INPP4B: variants seen among roughly 807,000 people sequenced by gnomAD.
INPP4B encodes inositol polyphosphate-4-phosphatase type II B, also known as inositol polyphosphate 4-phosphatase type II.
In INPP4B, 55 loss-of-function variants were observed where a neutral mutation model predicts 122.5. The observed-to-expected ratio is 0.45, with a 90% CI of 0.36 to 0.56. INPP4B has a LOEUF of 0.56. Ranked by LOEUF, INPP4B falls within the 20% of genes least tolerant of loss-of-function variation. The pLI, the probability that INPP4B is intolerant of heterozygous loss-of-function variation, is 0.00. For synonymous variants in INPP4B, 403 were observed against 388.7 expected (o/e 1.04, Z -0.43); for missense variants, 1,000 against 1,097.7 (o/e 0.91, Z 1.26).
Position 142,193,026 on chromosome 4 carries a change from G to A in INPP4B, c.1181+61C>T, listed in dbSNP as rs2322542. 7.8e-4 allele frequency: 770 copies of A among 986,726 alleles called. 7 individuals are homozygous for A. The African/African-American group carries it at 0.01, about 13-fold the overall frequency. The allele number at this position is 986,726 out of a possible 1,614,324, so 61.1% of individuals were successfully genotyped here. A position where few individuals can be genotyped will look rare whatever the true frequency, so the allele number is the denominator to read the frequency against. On this transcript the variant is annotated intron_variant, in intron 15 of 25. Transcript: ENST00000262992. The stretch of plus-strand genomic sequence containing the variant: ...TGATGGACCAATCACCTTGTATATA[G>A]ACTTCCCCAAAGGGGAGATGTTATT...
At chr4:142,409,707 T>C (rs2149233304) in intron 5 of INPP4B, among the ~76,000 whole-genome samples, 1 of 152,326 alleles carries the variant, frequency 6.6e-6, no homozygotes, top group South Asian at 2.1e-4. Flanking sequence ...TCCTTGATTT[T>C]AGGATTTCTC....
chr4:142,791,877 A>T (rs1776604145), intron 1 of INPP4B, among the ~76,000 whole-genome samples: 1 of 152,050 alleles, frequency 6.6e-6, no homozygotes, highest in Non-Finnish European at 1.5e-5. Flanking sequence ...TCCCACCCAG[A>T]TGTTCTCATA....
At chr4:142,123,461 T>C in intron 19 of INPP4B, 46 bp from the exon 20 acceptor site, 1 of 1,580,564 alleles carries the variant, frequency 6.3e-7, no homozygotes. Flanking sequence ...AGCAAACGTA[T>C]TTGTTTTATT....
At chr4:142,194,799 T>C (rs964556516) in intron 14 of INPP4B, among the ~76,000 whole-genome samples, 4 of 152,188 alleles carry the variant, frequency 2.6e-5, no homozygotes, top group Admixed American at 2.6e-4. Context: ...CTCAGTTTCC[T>C]TACCTATAAA....
rs570574159 is a variant in INPP4B, at chr4:142,187,772, T to C, written c.1181+5315A>G. Among the ~76,000 whole-genome samples the C allele has an allele frequency of 4.7e-3, 717 of 152,196 alleles. 3 individuals carry two copies. The highest frequency in any genetic ancestry group is 0.016 in the African/African-American group (670 of 41,530). ...CCAAGCCTGACTAATTTTTGCACTT[T>C]TTTTGTAGAGACAGGGTTTTGCGAT... On this transcript the variant is annotated intron_variant, in intron 15 of 25. Transcript: ENST00000262992.
intron 7 of INPP4B, among the ~76,000 whole-genome samples, chr4:142,378,621 T>C (rs193118132): frequency 3.3e-5 from 5 of 152,254 alleles, no homozygotes; most frequent in African/African-American, 4.8e-5. Context: ...AAAGATTCTC[T>C]CCTTAGAGAG....
chr4:142,189,265 A>G (rs780232713), intron 15 of INPP4B, among the ~76,000 whole-genome samples: 59 of 152,170 alleles, frequency 3.9e-4, no homozygotes, highest in Non-Finnish European at 6.3e-4. Context: ...TCTCTATATT[A>G]TTAATCTTAT....
intron 2 of INPP4B, among the ~76,000 whole-genome samples, chr4:142,471,289 A>G (rs1299483306): frequency 6.6e-6 from 1 of 152,192 alleles, no homozygotes; most frequent in African/African-American, 2.4e-5. Context: ...CTACAGCTAT[A>G]GCTTTTTTTT....
chr4:142,535,164 A>T (rs1828037793), intron 2 of INPP4B, among the ~76,000 whole-genome samples: 1 of 152,198 alleles, frequency 6.6e-6, no homozygotes, highest in Admixed American at 6.5e-5. Flanking sequence ...TCAGTTGATG[A>T]TTCAACAAAA....
At chr4:142,291,292 A>AT (rs1268450833) in intron 9 of INPP4B, among the ~76,000 whole-genome samples, 1 of 152,168 alleles carries the variant, frequency 6.6e-6, no homozygotes, top group Admixed American at 6.5e-5. Context: ...TCTAACTCAA[A>AT]TTTTTTATTT....
rs191224465 is a variant in INPP4B, at chr4:142,833,832, T to G, written c.-254+12377A>C. On this transcript the variant is annotated intron_variant, in intron 1 of 25. Coordinates refer to ENST00000262992, the MANE Select transcript of INPP4B (RefSeq NM_001101669.3). The stretch of plus-strand genomic sequence containing the variant: ...GCATGCATGTGAACAAAACTGCCAT[T>G]CCTATTTAGATGAGCCCAAAGCTCT... Among the ~76,000 whole-genome samples the G allele has an allele frequency of 7.7e-3, 1,172 of 152,290 alleles. 10 individuals carry two copies. Among genetic ancestry groups the G allele is most frequent in the South Asian group, 0.015 (72 of 4,820 alleles).
chr4:142,451,769 G>C (rs1814287126), intron 3 of INPP4B, among the ~76,000 whole-genome samples: 1 of 152,184 alleles, frequency 6.6e-6, no homozygotes, highest in African/African-American at 2.4e-5. Flanking sequence ...AGCACACAAA[G>C]CAGCAAGGCA....
intron 1 of INPP4B, among the ~76,000 whole-genome samples, chr4:142,828,341 T>C (rs1781685989): frequency 6.6e-6 from 1 of 152,018 alleles, no homozygotes; most frequent in Admixed American, 6.6e-5. Context: ...TGAAATATCG[T>C]CCATAAAAGC....
intron 25 of INPP4B, among the ~76,000 whole-genome samples, chr4:142,032,833 C>T (rs1174331118): frequency 2.0e-5 from 3 of 152,108 alleles, no homozygotes; most frequent in Admixed American, 1.3e-4. Context: ...TTAGAGAATG[C>T]CTATAGCAAG....
rs147741554 is a variant in INPP4B, at chr4:142,361,808, T to G, written c.372+41130A>C. 1.6e-4 allele frequency among the ~76,000 whole-genome samples: 24 copies of G among 152,058 alleles called. 1 individual carries two copies. The highest frequency in any genetic ancestry group is 5.8e-4 in the African/African-American group (24 of 41,536). ...TATTATCACAATATTATATATATGA[T>G]AGTAGACAAAAGAATGAAAATAATT... On this transcript the variant is annotated intron_variant, in intron 7 of 25. Transcript: ENST00000262992.
chr4:142,088,382 T>C (rs1026580577), intron 23 of INPP4B, among the ~76,000 whole-genome samples: 1 of 152,210 alleles, frequency 6.6e-6, no homozygotes, highest in African/African-American at 2.4e-5. Context: ...TAAATTAGAA[T>C]TATAAGCAGC....
At chr4:142,622,636 A>G (rs1745214451) in intron 2 of INPP4B, among the ~76,000 whole-genome samples, 2 of 151,976 alleles carry the variant, frequency 1.3e-5, no homozygotes, top group African/African-American at 4.8e-5. Flanking sequence ...GAGAAAGAGA[A>G]AACTCAAAGA....
intron 7 of INPP4B, among the ~76,000 whole-genome samples, chr4:142,346,455 A>AAGAGAAAT (rs1388647688): frequency 6.6e-6 from 1 of 152,058 alleles, no homozygotes; most frequent in Non-Finnish European, 1.5e-5. Context: ...AAATTAGACT[A>AAGAGAAAT]GAAAAAGTGA....
chr4:142,537,740 A>AGTGTGTGT (rs72363974), intron 2 of INPP4B, among the ~76,000 whole-genome samples: 4,344 of 146,808 alleles, frequency 0.03, 73 homozygotes, highest in Middle Eastern at 0.099. Flanking sequence ...TGTGTATATG[A>AGTGTGTGT]GTGTGTGTGT....
Sources: gnomAD v4.1 joint callset for allele counts (sites outside exome capture counted in the v4.1 genomes callset) on GRCh38, gnomAD v4.1.1 for gene constraint, MANE v1.5 for transcripts, NCBI Gene and HGNC (gene_info 2026-07-23, HGNC 2026-07-21) for gene names.